GPC6: variants seen among roughly 807,000 people sequenced by gnomAD.
GPC6 encodes the protein glypican 6.
Under a neutral mutation model 55.2 loss-of-function variants are expected in GPC6, and 14 were observed. That is an observed-to-expected ratio of 0.25 (90% CI 0.17 to 0.40). The LOEUF is 0.40. Among genes scored for constraint, GPC6 ranks in the 10% least tolerant of loss-of-function variants. The pLI is 1.00. For synonymous variants in GPC6, 278 were observed against 259.6 expected (o/e 1.07, Z -0.68); for missense variants, 641 against 708.5 (o/e 0.90, Z 1.08).
At chr13:93,418,376 A>C (rs911975059) in intron 1 of GPC6, among the ~76,000 whole-genome samples, 2 of 151,304 alleles carry the variant, frequency 1.3e-5, no homozygotes, top group African/African-American at 4.8e-5. Flanking sequence ...CCATAGTATT[A>C]TTTTATTAAT....
At chr13:93,288,844 T>C (rs1174927226) in intron 1 of GPC6, among the ~76,000 whole-genome samples, 1 of 152,102 alleles carries the variant, frequency 6.6e-6, no homozygotes, top group Non-Finnish European at 1.5e-5. Flanking sequence ...ATTGAAGGGG[T>C]TACAGGTGTT....
At chr13:93,975,899 A>G (rs958629599) in intron 3 of GPC6, among the ~76,000 whole-genome samples, 1 of 152,174 alleles carries the variant, frequency 6.6e-6, no homozygotes, top group African/African-American at 2.4e-5. Flanking sequence ...TTAAATTAGT[A>G]TTTGAAAGGG....
At chr13:93,940,405 G>GACGGATGA (rs1353976465) in intron 3 of GPC6, among the ~76,000 whole-genome samples, 26 of 146,836 alleles carry the variant, frequency 1.8e-4, no homozygotes, top group Middle Eastern at 3.5e-3. Context: ...TGGATGAATG[G>GACGGATGA]ATGGATGAAT....
intron 2 of GPC6, among the ~76,000 whole-genome samples, chr13:93,744,727 C>A (rs76210710): frequency 0.027 from 4,139 of 151,256 alleles, 180 homozygotes; most frequent in African/African-American, 0.094. Context: ...ATCACGAGTT[C>A]GAGACCAGAC....
chr13:93,740,474 T>A (rs1489962996), intron 2 of GPC6, among the ~76,000 whole-genome samples: 1 of 152,216 alleles, frequency 6.6e-6, no homozygotes, highest in African/African-American at 2.4e-5. Context: ...TGTTCTGTAA[T>A]TAGGCCAGAG....
At chr13:94,016,577 G>A (rs1422650874) in intron 3 of GPC6, among the ~76,000 whole-genome samples, 3 of 152,132 alleles carry the variant, frequency 2.0e-5, no homozygotes, top group African/African-American at 7.2e-5. Context: ...TTGACTGTTT[G>A]GGCATTTGCA....
At chr13:93,955,855 C>T (rs1879485869) in intron 3 of GPC6, among the ~76,000 whole-genome samples, 1 of 152,178 alleles carries the variant, frequency 6.6e-6, no homozygotes, top group African/African-American at 2.4e-5. Flanking sequence ...TCTTCTTTTT[C>T]TCCAGCTTTA....
At chr13:93,701,164 A>T (rs1882655191) in intron 2 of GPC6, among the ~76,000 whole-genome samples, 1 of 152,256 alleles carries the variant, frequency 6.6e-6, no homozygotes, top group Non-Finnish European at 1.5e-5. Flanking sequence ...ACATTTCTGC[A>T]TATAAGCACA....
At chr13:94,357,035 A>T (rs1037831332) in intron 6 of GPC6, among the ~76,000 whole-genome samples, 48 of 152,172 alleles carry the variant, frequency 3.2e-4, no homozygotes, top group African/African-American at 1.1e-3. Flanking sequence ...AATCTGGACC[A>T]TTGCCCACCC....
chr13:93,729,995 C>T (rs1883767147), intron 2 of GPC6, among the ~76,000 whole-genome samples: 1 of 152,128 alleles, frequency 6.6e-6, no homozygotes, highest in African/African-American at 2.4e-5. Context: ...AAGTCAGGGG[C>T]CTGATGATTG....
At chr13:94,109,655 T>C (rs780144813) in intron 4 of GPC6, among the ~76,000 whole-genome samples, 4 of 152,150 alleles carry the variant, frequency 2.6e-5, no homozygotes, top group African/African-American at 4.8e-5. Flanking sequence ...TTTTCGAATG[T>C]AGTCAGTATG....
intron 3 of GPC6, among the ~76,000 whole-genome samples, chr13:93,883,268 C>T (rs936263445): frequency 5.0e-4 from 75 of 151,472 alleles, no homozygotes; most frequent in Non-Finnish European, 4.7e-4. Flanking sequence ...TAGAAGGAAG[C>T]TTGCTGGATC....
chr13:93,860,686 G>A (rs1298423866), intron 3 of GPC6, among the ~76,000 whole-genome samples: 2 of 151,430 alleles, frequency 1.3e-5, no homozygotes, highest in Non-Finnish European at 3.0e-5. Context: ...GGTGGAAGTG[G>A]GATAGGCATT....
intron 2 of GPC6, among the ~76,000 whole-genome samples, chr13:93,762,452 C>T (rs1210009992): frequency 6.6e-6 from 1 of 152,054 alleles, no homozygotes; most frequent in East Asian, 1.9e-4. Flanking sequence ...GACCTGTGGT[C>T]AGTGTAAAAG....
intron 1 of GPC6, among the ~76,000 whole-genome samples, chr13:93,534,500 G>A (rs1318440109): frequency 1.3e-5 from 2 of 151,922 alleles, no homozygotes; most frequent in Admixed American, 1.3e-4. Context: ...TTGCTTGTGG[G>A]GTTAACGAGG....
intron 2 of GPC6, among the ~76,000 whole-genome samples, chr13:93,617,870 A>G (rs1329402425): frequency 6.6e-6 from 1 of 152,112 alleles, no homozygotes; most frequent in Non-Finnish European, 1.5e-5. Context: ...ATATTCTTTC[A>G]AAAGTCAGGT....
chr13:93,750,334 A>G (rs1884534360), intron 2 of GPC6, among the ~76,000 whole-genome samples: 1 of 152,310 alleles, frequency 6.6e-6, no homozygotes, highest in East Asian at 1.9e-4. Flanking sequence ...GCTGGAAGGT[A>G]GTTAACCTTT....
intron 1 of GPC6, among the ~76,000 whole-genome samples, chr13:93,418,808 C>A (rs1444218095): frequency 6.6e-6 from 1 of 150,894 alleles, no homozygotes; most frequent in Non-Finnish European, 1.5e-5. Flanking sequence ...ATTAATGGCA[C>A]TATACCATAG....
chr13:93,511,723 T>G (rs1880986201), intron 1 of GPC6, among the ~76,000 whole-genome samples: 1 of 152,116 alleles, frequency 6.6e-6, no homozygotes. Flanking sequence ...ATTGTTATTT[T>G]GATAGAGATT....
Sources: gnomAD v4.1 joint callset for allele counts (sites outside exome capture counted in the v4.1 genomes callset) on GRCh38, gnomAD v4.1.1 for gene constraint, MANE v1.5 for transcripts, NCBI Gene and HGNC (gene_info 2026-07-23, HGNC 2026-07-21) for gene names.